Variants in SLC7A7 observed in about 807,000 individuals in gnomAD.
SLC7A7 encodes the protein Y+L amino acid transporter 1.
Under a neutral mutation model 47.9 loss-of-function variants are expected in SLC7A7, and 39 were observed. The observed-to-expected ratio is 0.81, with a 90% CI of 0.63 to 1.06. The LOEUF is 1.06. Ranked by LOEUF, SLC7A7 falls within the 50% of genes least tolerant of loss-of-function variation. The pLI is 0.00. For synonymous variants in SLC7A7, 234 were observed against 242.8 expected (o/e 0.96, Z 0.34); for missense variants, 588 against 632.0 (o/e 0.93, Z 0.75).
chr14:22,779,471 G>T lies in SLC7A7; in HGVS notation c.625+455C>A, dbSNP rs78324567. ...ATTTAATTCTTTTTTTTTTTTGGGG[G>T]GGGGACAGAGTCTCGCTCTGTCGCC... On this transcript the variant is annotated intron_variant, in intron 3 of 9. Coordinates refer to ENST00000674313, the MANE Select transcript of SLC7A7 (RefSeq NM_003982.4). 1.7e-4 allele frequency among the ~76,000 whole-genome samples: 26 copies of T among 151,010 alleles called. 2 individuals are homozygous for T. The highest frequency in any genetic ancestry group is 1.4e-3 in the Admixed American group (21 of 15,172).
intron 2 of SLC7A7, among the ~76,000 whole-genome samples, chr14:22,804,980 C>T (rs985004094): frequency 1.1e-4 from 16 of 152,168 alleles, no homozygotes; most frequent in African/African-American, 3.9e-4. Context: ...GCACTCCAGC[C>T]TGGGCAACAA....
intron 2 of SLC7A7, among the ~76,000 whole-genome samples, chr14:22,796,748 G>T (rs1181885936): frequency 6.6e-6 from 1 of 152,176 alleles, no homozygotes; most frequent in Non-Finnish European, 1.5e-5. Context: ...CCTGTGAACA[G>T]TGGGCCAAAA....
Position 22,779,938 on chromosome 14 carries a change from TAACA to T in SLC7A7, c.609_612del (p.Val204AspfsTer72). 5 of 1,614,188 alleles carry T rather than the reference TAACA, an allele frequency of 3.1e-6. No homozygotes were observed. Among genetic ancestry groups the T allele is most frequent in the Non-Finnish European group, 4.2e-6 (5 of 1,180,034 alleles). On this transcript the variant is annotated frameshift_variant, in exon 3 of 10. Coordinates refer to ENST00000674313, the MANE Select transcript of SLC7A7 (RefSeq NM_003982.4). LOFTEE classifies it high-confidence loss of function. ...TATTATTTCTTACCCTGGCCAAGTC[TAACA>T]ATGCCTGCAACGATGACCGCGATCA...
At chr14:22,785,063 G>C (rs546608911) in intron 2 of SLC7A7, among the ~76,000 whole-genome samples, 7 of 152,254 alleles carry the variant, frequency 4.6e-5, no homozygotes, top group Admixed American at 4.6e-4. Context: ...CAGATCACTT[G>C]AGGCCAGGAG....
Position 22,775,258 on chromosome 14 carries a change from TTAGAG to T in SLC7A7, c.1095+181_1095+185del, listed in dbSNP as rs368022959. On this transcript the variant is annotated intron_variant, in intron 7 of 9. Transcript: ENST00000674313. ...TCTTAGAGCAGAGGTGTACCATTCCTTAGAGCATTTGGATTTCCCCTGTAGCGGTT... is the reference window on the plus strand; with the variant it reads ...TCTTAGAGCAGAGGTGTACCATTCCTCATTTGGATTTCCCCTGTAGCGGTT... 0.11 allele frequency among the ~76,000 whole-genome samples: 16,046 copies of T among 152,226 alleles called. 992 individuals carry two copies. The highest frequency in any genetic ancestry group is 0.13 in the Non-Finnish European group (8,811 of 67,994).
intron 2 of SLC7A7, among the ~76,000 whole-genome samples, chr14:22,808,004 A>C (rs1047166041): frequency 6.6e-6 from 1 of 151,994 alleles, no homozygotes. Context: ...TCTACTAAAA[A>C]CACAAAAATT....
At chr14:22,784,500 C>T (rs1276796390) in intron 2 of SLC7A7, among the ~76,000 whole-genome samples, 1 of 152,042 alleles carries the variant, frequency 6.6e-6, no homozygotes, top group African/African-American at 2.4e-5. Flanking sequence ...TGCCTGTAGT[C>T]CCATCTACTT....
In SLC7A7 at chr14:22,793,539, C is replaced by T. The variant is rs370348978; in HGVS notation, c.500-13488G>A. On this transcript the variant is annotated intron_variant, in intron 2 of 9. Coordinates refer to ENST00000674313, the MANE Select transcript of SLC7A7 (RefSeq NM_003982.4). ...AGAAATTATGGTTTAGGGCTGGGCA[C>T]GGTGGCTCATGCCTGTAATCCCAGC... Among the ~76,000 whole-genome samples, 391 of 152,190 alleles carry T rather than the reference C, an allele frequency of 2.6e-3. 3 individuals are homozygous for T. The highest frequency in any genetic ancestry group is 9.1e-3 in the African/African-American group (376 of 41,514).
intron 2 of SLC7A7, among the ~76,000 whole-genome samples, chr14:22,807,576 T>C (rs7144980): frequency 6.6e-6 from 1 of 151,720 alleles, no homozygotes; most frequent in Non-Finnish European, 1.5e-5. Context: ...TCTAAAAATA[T>C]AAAAATAAAC....
At chr14:22,795,271 G>T (rs2038993215) in intron 2 of SLC7A7, among the ~76,000 whole-genome samples, 1 of 138,056 alleles carries the variant, frequency 7.2e-6, no homozygotes, top group African/African-American at 2.7e-5. Flanking sequence ...TTTTTGTAGA[G>T]ACCAAGTTCT....
chr14:22,817,135 T>A (rs1013784154), upstream of SLC7A7: 49 of 94,126 alleles, frequency 5.2e-4, no homozygotes, highest in South Asian at 2.6e-3. Context: ...TTTTATTTTT[T>A]TTTTTTTTTA....
chr14:22,812,444 G>A (rs1361129901), intron 2 of SLC7A7, among the ~76,000 whole-genome samples: 1 of 151,882 alleles, frequency 6.6e-6, no homozygotes, highest in Non-Finnish European at 1.5e-5. Flanking sequence ...TGGGATTACA[G>A]GCATAAGCCA....
intron 2 of SLC7A7, among the ~76,000 whole-genome samples, chr14:22,784,428 G>A (rs957668981): frequency 6.6e-6 from 1 of 152,092 alleles, no homozygotes; most frequent in African/African-American, 2.4e-5. Flanking sequence ...GACCATCCTG[G>A]CCAACATGGT....
intron 2 of SLC7A7, among the ~76,000 whole-genome samples, chr14:22,809,085 A>T (rs2039258667): frequency 6.6e-6 from 1 of 152,250 alleles, no homozygotes. Context: ...AATGTGTGTC[A>T]CACATGTGTG....
intron 7 of SLC7A7, 35 bp from the exon 8 acceptor site, chr14:22,774,538 G>A (rs2038557855): frequency 1.2e-6 from 2 of 1,613,998 alleles, no homozygotes; most frequent in East Asian, 2.2e-5. Flanking sequence ...TCTTCTCAGG[G>A]CCTTTGTTAA....
chr14:22,809,700 T>A lies in SLC7A7; in HGVS notation c.499+3200A>T, dbSNP rs1594981192. Among the ~76,000 whole-genome samples, 6 of 152,122 alleles carry A rather than the reference T, an allele frequency of 3.9e-5. 2 individuals carry two copies. In the South Asian group the frequency reaches 1.2e-3, roughly 32 times the overall value. ...ATCCGCCCATCTTAGCTTCCCAAAGTGCTAGGATTACAGGCATGAGCGACT... is the reference window on the plus strand; with the variant it reads ...ATCCGCCCATCTTAGCTTCCCAAAGAGCTAGGATTACAGGCATGAGCGACT... On this transcript the variant is annotated intron_variant, in intron 2 of 9. Coordinates refer to ENST00000674313, the MANE Select transcript of SLC7A7 (RefSeq NM_003982.4).
At chr14:22,779,354 C>T (rs2038673415) in intron 3 of SLC7A7, among the ~76,000 whole-genome samples, 1 of 152,126 alleles carries the variant, frequency 6.6e-6, no homozygotes, top group Non-Finnish European at 1.5e-5. Context: ...TGGGAGGCAG[C>T]GTGCATGGAA....
intron 2 of SLC7A7, among the ~76,000 whole-genome samples, chr14:22,812,025 A>T (rs929853950): frequency 6.6e-6 from 1 of 152,178 alleles, no homozygotes; most frequent in Non-Finnish European, 1.5e-5. Flanking sequence ...CACATGAAAT[A>T]ATATGAAGCA....
upstream of SLC7A7, chr14:22,816,112 C>A (rs2138671533): frequency 6.0e-6 from 1 of 167,834 alleles, no homozygotes; most frequent in South Asian, 1.4e-4. Context: ...TCATTCTTGA[C>A]AAAACATACC....
Sources: allele counts gnomAD v4.1 joint callset (sites outside exome capture counted in the v4.1 genomes callset), GRCh38; gene constraint gnomAD v4.1.1; transcripts MANE v1.5; gene names NCBI Gene and HGNC (gene_info 2026-07-23, HGNC 2026-07-21).